Variants in USP34 observed in about 807,000 individuals in gnomAD.
USP34 encodes the protein ubiquitin specific peptidase 34, also known as ubiquitin carboxyl-terminal hydrolase 34.
A neutral mutation model predicts 460.3 loss-of-function variants in USP34; 70 were observed. That is an observed-to-expected ratio of 0.15 (90% CI 0.13 to 0.19). The LOEUF (loss-of-function observed/expected upper bound fraction) is 0.19, where lower values mean the gene tolerates loss of function less well. Ranked by LOEUF, USP34 falls within the 10% of genes least tolerant of loss-of-function variation. USP34 has a pLI of 1.00. For synonymous variants in USP34, 1,647 were observed against 1,405.3 expected (o/e 1.17, Z -3.85); for missense variants, 3,985 against 4,236.2 (o/e 0.94, Z 1.65).
intron 72 of USP34, among the ~76,000 whole-genome samples, chr2:61,205,707 CT>C (rs1687100188): frequency 6.6e-6 from 1 of 152,168 alleles, no homozygotes; most frequent in Admixed American, 6.6e-5. Context: ...TCAGTTCTAC[CT>C]TGTAAACATT....
At position 61,417,719 on chromosome 2, in the gene USP34, CTT is replaced by C. The variant is rs201901250; in HGVS notation, c.131+3025_131+3026del. Among the ~76,000 whole-genome samples, 16 of 130,760 alleles carry C rather than the reference CTT, an allele frequency of 1.2e-4. No individual in the cohort carries two copies. The East Asian group carries it at 2.4e-3, about 19-fold the overall frequency. 85.8% of individuals were successfully genotyped at this position (130,760 alleles called of 152,430 possible). A position where few individuals can be genotyped will look rare whatever the true frequency, so the allele number is the denominator to read the frequency against. ...AAATATATATATAAAATACTAAAAT[CTT>C]TTTTTTTTTCTTTTTTTCTTTTCTT... On this transcript the variant is annotated intron_variant, in intron 2 of 79. Coordinates refer to ENST00000398571, the MANE Select transcript of USP34 (RefSeq NM_014709.4).
chr2:61,223,502 G>A (rs1027714173), intron 62 of USP34: 5 of 536,980 alleles, frequency 9.3e-6, no homozygotes, highest in African/African-American at 5.8e-5. Flanking sequence ...AAGCCCAAAT[G>A]TACTTCATTT....
chr2:61,461,695 T>C (rs548304116), intron 1 of USP34, among the ~76,000 whole-genome samples: 2 of 152,158 alleles, frequency 1.3e-5, no homozygotes, highest in East Asian at 3.9e-4. Flanking sequence ...TCAAGACAGG[T>C]GAAAGTGCCC....
Position 61,196,112 on chromosome 2 carries a change from G to A in USP34, c.9509-3132C>T, listed in dbSNP as rs571516475. ...TTTTTTTTTTTTGAGACGGAGTCTC[G>A]CTTTGTCGCACAGGCTGGAGTGCAG... On this transcript the variant is annotated intron_variant, in intron 75 of 79. Coordinates refer to ENST00000398571, the MANE Select transcript of USP34 (RefSeq NM_014709.4). Among the ~76,000 whole-genome samples the A allele has an allele frequency of 3.1e-3, 371 of 119,354 alleles. 1 individual carries two copies. Among genetic ancestry groups the A allele is most frequent in the African/African-American group, 0.012 (351 of 30,056 alleles). 78.3% of individuals were successfully genotyped at this position (119,354 alleles called of 152,430 possible).
rs112467196 is a variant in USP34, at chr2:61,229,539, ACTT to A, written c.7199+6_7199+8del. ...AGACACACAAACTTATTCAAAAAGT[ACTT>A]CTTACCCATCTTCCATTCCTGGCTG... On this transcript the variant is annotated splice_donor_region_variant and intron_variant, in intron 59 of 79. Transcript: ENST00000398571. The A allele has an allele frequency of 1.4e-3, 2,176 of 1,601,952 alleles. 27 individuals are homozygous for A. The African/African-American group carries it at 0.026, about 19-fold the overall frequency.
At chr2:61,279,744 G>A (rs1435405042) in intron 39 of USP34, among the ~76,000 whole-genome samples, 2 of 152,156 alleles carry the variant, frequency 1.3e-5, no homozygotes, top group Non-Finnish European at 2.9e-5. Context: ...GATTACAGGC[G>A]TGAGCCACTG....
chr2:61,201,491 G>A (rs982446176), intron 75 of USP34, among the ~76,000 whole-genome samples: 2 of 152,156 alleles, frequency 1.3e-5, no homozygotes, highest in African/African-American at 4.8e-5. Flanking sequence ...GGGATTACAA[G>A]CGTGAGCCAC....
At chr2:61,369,992 A>AC (rs1373111771) in intron 10 of USP34, among the ~76,000 whole-genome samples, 1 of 151,594 alleles carries the variant, frequency 6.6e-6, no homozygotes, top group Non-Finnish European at 1.5e-5. Flanking sequence ...TTAAAAAAAA[A>AC]AAAAAAAAAA....
intron 64 of USP34, 84 bp downstream of exon 64, chr2:61,222,976 C>T (rs1490936599): frequency 2.4e-6 from 3 of 1,232,924 alleles, no homozygotes; most frequent in East Asian, 5.1e-5. Flanking sequence ...GGATTACAGG[C>T]ATGAGCCACC....
rs751408141 is a variant in USP34 at position 61,311,601 on chromosome 2, T to C, written c.3756A>G (p.Gln1252=). 2 of 1,613,726 alleles carry C rather than the reference T, an allele frequency of 1.2e-6. No individual in the cohort carries two copies. Among genetic ancestry groups the C allele is most frequent in the Non-Finnish European group, 8.5e-7 (1 of 1,179,852 alleles). The change falls in exon 27 of 80, where the codon CAA becomes CAG. Residue 1252 remains glutamine, a synonymous_variant. Coordinates refer to ENST00000398571, the MANE Select transcript of USP34 (RefSeq NM_014709.4). ...CCTGAAGCTGAGCTTGTTGATTTAT[T>C]TGTTCTTTCTGTAAATTTTCATACC... is the stretch of plus-strand genomic sequence containing the variant. ...THWYENLQKE[Q]INQQAQLQEF...
In USP34 at chr2:61,331,341, C is replaced by G; in HGVS notation, c.2865G>C (p.Lys955Asn). Residue 955 changes from lysine (K) to asparagine (N), a missense_variant, in exon 20 of 80, where the codon AAG becomes AAC. Transcript: ENST00000398571. ...MWAEKELNMM[K>N]LFFDNLVYYI... is the part of the protein sequence containing the mutation. ...AGTATACCAAATTATCAAAGAAAAG[C>G]TTCATCATGTTCAGTTCTTTTTCTG... 1.2e-6 allele frequency: 2 copies of G among 1,611,856 alleles called. No homozygotes were observed. Among genetic ancestry groups the G allele is most frequent in the Middle Eastern group, 1.7e-4 (1 of 6,046 alleles).
Position 61,324,668 on chromosome 2 carries a change from G to A in USP34, c.3013+707C>T, listed in dbSNP as rs188539163. On this transcript the variant is annotated intron_variant, in intron 21 of 79. Transcript: ENST00000398571. Reference sequence around the variant, plus strand: ...TGCATAGTCCCACGTTACTGAGGAGGCTAAGGTGGGATGACTGCTTGAGCC... The same window carrying A: ...TGCATAGTCCCACGTTACTGAGGAGACTAAGGTGGGATGACTGCTTGAGCC... Among the ~76,000 whole-genome samples the A allele has an allele frequency of 3.9e-5, 6 of 152,128 alleles. No individual in the cohort carries two copies. In the East Asian group the frequency reaches 1.2e-3, roughly 29 times the overall value.
chr2:61,357,178 G>A (rs1336271609), intron 10 of USP34, among the ~76,000 whole-genome samples: 1 of 152,144 alleles, frequency 6.6e-6, no homozygotes, highest in Non-Finnish European at 1.5e-5. Flanking sequence ...TTCCAAGATA[G>A]ACTGGATGCT....
intron 10 of USP34, among the ~76,000 whole-genome samples, chr2:61,365,479 A>C (rs1185859517): frequency 6.6e-6 from 1 of 152,198 alleles, no homozygotes. Flanking sequence ...ACATTCACTC[A>C]AACTCTTCTT....
At chr2:61,376,477 G>A (rs1692803158) in intron 8 of USP34, among the ~76,000 whole-genome samples, 1 of 152,154 alleles carries the variant, frequency 6.6e-6, no homozygotes, top group Non-Finnish European at 1.5e-5. Context: ...GCCTGAATGT[G>A]TTATTACTGC....
At chr2:61,320,499 T>A (rs56377544) in intron 21 of USP34, among the ~76,000 whole-genome samples, 50 of 68,786 alleles carry the variant, frequency 7.3e-4, no homozygotes, top group African/African-American at 2.0e-3. Context: ...CAGGAATCAG[T>A]TTTTTTCCTC....
chr2:61,216,247 A>G (rs1687393030), intron 67 of USP34, among the ~76,000 whole-genome samples: 1 of 152,248 alleles, frequency 6.6e-6, no homozygotes. Flanking sequence ...GCATGTAGGT[A>G]TCATCCTGAT....
At chr2:61,234,025 T>G (rs570645376) in intron 57 of USP34, among the ~76,000 whole-genome samples, 61 of 152,262 alleles carry the variant, frequency 4.0e-4, no homozygotes, top group African/African-American at 1.4e-3. Flanking sequence ...AAAAAAGGAA[T>G]AGGGGATAGA....
chr2:61,199,395 TC>T (rs1455405895), intron 75 of USP34, among the ~76,000 whole-genome samples: 2 of 152,018 alleles, frequency 1.3e-5, no homozygotes, highest in Admixed American at 1.3e-4. Context: ...AGCTGGGATT[TC>T]AAGTGCCCGC....
Sources: gnomAD v4.1 joint callset for allele counts (sites outside exome capture counted in the v4.1 genomes callset) on GRCh38, gnomAD v4.1.1 for gene constraint, MANE v1.5 for transcripts, NCBI Gene and HGNC (gene_info 2026-07-23, HGNC 2026-07-21) for gene names.